The following OR1J2 variants were observed in gnomAD, a reference collection of about 807,000 sequenced individuals.
The protein encoded by OR1J2 is olfactory receptor family 1 subfamily J member 2.
For missense variants in OR1J2, 304 were observed against 246.1 expected (o/e 1.24, Z -1.57); for synonymous variants, 142 against 99.7 (o/e 1.42, Z -2.52).
chr9:122,577,892 G>C, the OR1J2 span, among the ~76,000 whole-genome samples: 3 of 151,146 alleles, frequency 2.0e-5, no homozygotes, highest in African/African-American at 7.3e-5. Flanking sequence ...TGTTTGTTTG[G>C]CATAGAAATT....
chr9:122,470,677 G>C, the OR1J2 span, among the ~76,000 whole-genome samples: 1 of 152,166 alleles, frequency 6.6e-6, no homozygotes, highest in South Asian at 2.1e-4. Context: ...AAAAGCCATG[G>C]ACACTCAATG....
the OR1J2 span, among the ~76,000 whole-genome samples, chr9:122,564,523 A>C: frequency 2.0e-5 from 3 of 152,196 alleles, no homozygotes; most frequent in Admixed American, 2.0e-4. Flanking sequence ...TCGTGCCACC[A>C]TCAAGGACTT....
At chr9:122,573,917 T>C in the OR1J2 span, among the ~76,000 whole-genome samples, 1 of 152,224 alleles carries the variant, frequency 6.6e-6, no homozygotes, top group Admixed American at 6.5e-5. Flanking sequence ...TTAATGTTTA[T>C]AAAGGGTGAA....
the OR1J2 span, among the ~76,000 whole-genome samples, chr9:122,495,808 G>T: frequency 6.6e-6 from 1 of 151,904 alleles, no homozygotes. Flanking sequence ...TTCTTGTTTG[G>T]GTAGACTATG....
At chr9:122,526,903 A>G in the OR1J2 span, 1 of 1,614,192 alleles carries the variant, frequency 6.2e-7, no homozygotes, top group Non-Finnish European at 8.5e-7. Context: ...ATGACTGTGG[A>G]GTAGCAGAGG....
the OR1J2 span, among the ~76,000 whole-genome samples, chr9:122,555,371 T>C: frequency 6.6e-6 from 1 of 152,192 alleles, no homozygotes; most frequent in East Asian, 1.9e-4. Context: ...AGAGGAATAA[T>C]GAGACAACTA....
chr9:122,571,312 G>A, the OR1J2 span, among the ~76,000 whole-genome samples: 2 of 152,152 alleles, frequency 1.3e-5, no homozygotes, highest in Non-Finnish European at 2.9e-5. Flanking sequence ...AGCACTTTGG[G>A]AGGCTGAGGC....
chr9:122,474,530 C>G, the OR1J2 span, among the ~76,000 whole-genome samples: 1 of 152,098 alleles, frequency 6.6e-6, no homozygotes, highest in African/African-American at 2.4e-5. Context: ...AAATCATTAT[C>G]AAAAGAGGGA....
chr9:122,464,778 C>T, the OR1J2 span, among the ~76,000 whole-genome samples: 3 of 152,170 alleles, frequency 2.0e-5, no homozygotes, highest in South Asian at 6.2e-4. Context: ...TGCGTTCCCT[C>T]CCTTTGGTAG....
the OR1J2 span, among the ~76,000 whole-genome samples, chr9:122,454,138 G>T: frequency 4.6e-5 from 7 of 152,086 alleles, 1 homozygote; most frequent in South Asian, 1.2e-3. Context: ...TAAATCTTGG[G>T]GTATTTCCTT....
the OR1J2 span, among the ~76,000 whole-genome samples, chr9:122,521,784 G>A: frequency 0.18 from 27,131 of 152,084 alleles, 2,588 homozygotes; most frequent in Middle Eastern, 0.28. Context: ...TTTCCCTGCC[G>A]GCACCCCAGT....
the OR1J2 span, among the ~76,000 whole-genome samples, chr9:122,480,518 G>A: frequency 6.6e-6 from 1 of 150,868 alleles, no homozygotes; most frequent in Admixed American, 6.6e-5. Flanking sequence ...GTGTCATGGG[G>A]GTTTGTTGTA....
chr9:122,529,883 A>T, the OR1J2 span, among the ~76,000 whole-genome samples: 1 of 152,156 alleles, frequency 6.6e-6, no homozygotes, highest in African/African-American at 2.4e-5. Flanking sequence ...GTCTCAAGTG[A>T]CTCTGCTTAC....
chr9:122,539,371 T>G, the OR1J2 span, among the ~76,000 whole-genome samples: 9 of 152,188 alleles, frequency 5.9e-5, no homozygotes, highest in East Asian at 3.9e-4. Flanking sequence ...GGTGTTTGGT[T>G]TTTTGTCCTT....
upstream of OR1J2, among the ~76,000 whole-genome samples, chr9:122,506,743 C>G (rs1440864827): frequency 2.6e-5 from 4 of 151,634 alleles, no homozygotes; most frequent in Admixed American, 1.3e-4. Context: ...CACAGAGAGA[C>G]AGAGGAAGAG....
the OR1J2 span, among the ~76,000 whole-genome samples, chr9:122,490,366 C>A: frequency 6.6e-6 from 1 of 152,258 alleles, no homozygotes; most frequent in East Asian, 1.9e-4. Context: ...ATCCCCTTCC[C>A]ATTGCAACTT....
the OR1J2 span, among the ~76,000 whole-genome samples, chr9:122,555,856 C>T: frequency 5.9e-5 from 9 of 152,214 alleles, no homozygotes; most frequent in Admixed American, 5.9e-4. Context: ...TTATTACAAT[C>T]CATTAGCCTC....
At chr9:122,528,597 A>AAAAT in the OR1J2 span, among the ~76,000 whole-genome samples, 7 of 152,182 alleles carry the variant, frequency 4.6e-5, no homozygotes, top group Non-Finnish European at 8.8e-5. Flanking sequence ...GACTCCGTCT[A>AAAAT]AAATAAATAA....
the OR1J2 span, among the ~76,000 whole-genome samples, chr9:122,538,848 A>G: frequency 6.8e-4 from 104 of 152,308 alleles, 1 homozygote; most frequent in Non-Finnish European, 1.1e-3. Flanking sequence ...ACATGAGCAT[A>G]GAGATGGAAA....
Sources: gnomAD v4.1 joint callset for allele counts (sites outside exome capture counted in the v4.1 genomes callset) on GRCh38, gnomAD v4.1.1 for gene constraint, MANE v1.5 for transcripts, NCBI Gene and HGNC (gene_info 2026-07-23, HGNC 2026-07-21) for gene names.